The following NXPE2 variants were observed in gnomAD, a reference collection of about 807,000 sequenced individuals.
NXPE2 encodes NXPE family member 2.
In NXPE2, 34 loss-of-function variants were observed where a neutral mutation model predicts 34.4. That is an observed-to-expected ratio of 0.99 (90% CI 0.75 to 1.31). The LOEUF is 1.31. Among genes scored for constraint, NXPE2 ranks in the 40% most tolerant of loss-of-function variants. NXPE2 has a pLI of 0.00. For missense variants in NXPE2, 649 were observed against 672.5 expected, an observed-to-expected ratio of 0.97 and a Z score of 0.39; for synonymous variants, 235 against 231.3, an observed-to-expected ratio of 1.02 and a Z score of -0.15.
At chr11:114,715,427 G>A in the NXPE2 span, among the ~76,000 whole-genome samples, 6 of 152,234 alleles carry the variant, frequency 3.9e-5, no homozygotes, top group South Asian at 1.2e-3. Context: ...AAGTATTTCT[G>A]TTACTAATGT....
chr11:114,582,827 G>T, the NXPE2 span: 1 of 1,614,160 alleles, frequency 6.2e-7, no homozygotes, highest in Non-Finnish European at 8.5e-7. Context: ...TGCTATGTGT[G>T]GCGCTGGTGG....
At chr11:114,670,226 A>G in the NXPE2 span, among the ~76,000 whole-genome samples, 1 of 152,024 alleles carries the variant, frequency 6.6e-6, no homozygotes, top group Non-Finnish European at 1.5e-5. Context: ...ATAACAACAG[A>G]TGGAGAGAGC....
the NXPE2 span, among the ~76,000 whole-genome samples, chr11:114,733,552 G>A: frequency 6.6e-6 from 1 of 152,144 alleles, no homozygotes; most frequent in Non-Finnish European, 1.5e-5. Flanking sequence ...CTATTTTGGA[G>A]GGTATGGGTT....
At chr11:114,552,985 G>A in the NXPE2 span, 1 of 366,590 alleles carries the variant, frequency 2.7e-6, no homozygotes, top group Non-Finnish European at 3.8e-6. Flanking sequence ...AAGAAACCTT[G>A]TTCTTCTAAG....
chr11:114,727,940 G>A, the NXPE2 span, among the ~76,000 whole-genome samples: 1 of 151,934 alleles, frequency 6.6e-6, no homozygotes, highest in South Asian at 2.1e-4. Context: ...ATAGTTTTAG[G>A]TCGAAAGTAA....
At chr11:114,757,721 G>A in the NXPE2 span, among the ~76,000 whole-genome samples, 1 of 152,162 alleles carries the variant, frequency 6.6e-6, no homozygotes, top group African/African-American at 2.4e-5. Context: ...GGTCTTCATG[G>A]GGAAGAGTGG....
chr11:114,503,247 T>C, the NXPE2 span, among the ~76,000 whole-genome samples: 1,505 of 152,272 alleles, frequency 9.9e-3, 30 homozygotes, highest in African/African-American at 0.034. Flanking sequence ...AGCATCCAGG[T>C]GGCTTTTTAA....
the NXPE2 span, among the ~76,000 whole-genome samples, chr11:114,727,906 C>T: frequency 6.6e-6 from 1 of 151,792 alleles, no homozygotes; most frequent in Non-Finnish European, 1.5e-5. Flanking sequence ...ATTAATGGCT[C>T]AGTTAACACA....
the NXPE2 span, among the ~76,000 whole-genome samples, chr11:114,539,589 CA>C: frequency 1.3e-5 from 2 of 151,646 alleles, no homozygotes; most frequent in Non-Finnish European, 2.9e-5. Context: ...AATTCTCTCT[CA>C]AAAAAAATTA....
chr11:114,658,916 C>T, the NXPE2 span, among the ~76,000 whole-genome samples: 2 of 152,110 alleles, frequency 1.3e-5, no homozygotes, highest in Admixed American at 1.3e-4. Flanking sequence ...AGCAATCTAC[C>T]ATGGAAGAAG....
the NXPE2 span, among the ~76,000 whole-genome samples, chr11:114,544,738 T>G: frequency 6.6e-6 from 1 of 152,076 alleles, no homozygotes; most frequent in Non-Finnish European, 1.5e-5. Context: ...TATTAAAAAT[T>G]AAAGCTTCTG....
At chr11:114,651,815 C>T in the NXPE2 span, among the ~76,000 whole-genome samples, 1 of 152,166 alleles carries the variant, frequency 6.6e-6, no homozygotes, top group Non-Finnish European at 1.5e-5. Flanking sequence ...CTGATTGGTG[C>T]ATTTACAATC....
At chr11:114,739,396 C>CTCCCTCCCTCGCTCCT in the NXPE2 span, among the ~76,000 whole-genome samples, 1 of 135,928 alleles carries the variant, frequency 7.4e-6, no homozygotes, top group Non-Finnish European at 1.6e-5. Flanking sequence ...CCCTTCCTCC[C>CTCCCTCCCTCGCTCCT]TCCCTCCCTC....
At chr11:114,551,186 T>C in the NXPE2 span, 10 of 1,534,006 alleles carry the variant, frequency 6.5e-6, no homozygotes, top group African/African-American at 1.4e-5. Context: ...TTTTGAAGCA[T>C]TGTATTTGAG....
the NXPE2 span, among the ~76,000 whole-genome samples, chr11:114,756,369 T>C: frequency 1.3e-5 from 2 of 152,218 alleles, no homozygotes; most frequent in African/African-American, 4.8e-5. Flanking sequence ...TTATTAAGGT[T>C]GTTGTGAGGA....
At chr11:114,469,846 A>G in the NXPE2 span, among the ~76,000 whole-genome samples, 1 of 151,884 alleles carries the variant, frequency 6.6e-6, no homozygotes, top group African/African-American at 2.4e-5. Flanking sequence ...CCTTCCACAC[A>G]CTTCATGCCC....
At chr11:114,712,344 G>T in the NXPE2 span, among the ~76,000 whole-genome samples, 1 of 152,014 alleles carries the variant, frequency 6.6e-6, no homozygotes, top group Non-Finnish European at 1.5e-5. Flanking sequence ...ACAATCAACA[G>T]AATGAAAAGG....
the NXPE2 span, among the ~76,000 whole-genome samples, chr11:114,629,659 A>T: frequency 6.6e-6 from 1 of 152,054 alleles, no homozygotes; most frequent in Admixed American, 6.6e-5. Context: ...GAGTGTTGGA[A>T]GTTCTGGCCA....
At chr11:114,475,470 C>T in the NXPE2 span, among the ~76,000 whole-genome samples, 5 of 152,208 alleles carry the variant, frequency 3.3e-5, no homozygotes, top group East Asian at 9.7e-4. Flanking sequence ...TCTCGAACTC[C>T]TGACCTCTTG....
Sources: gnomAD v4.1 joint callset for allele counts (sites outside exome capture counted in the v4.1 genomes callset) on GRCh38, gnomAD v4.1.1 for gene constraint, MANE v1.5 for transcripts, NCBI Gene and HGNC (gene_info 2026-07-23, HGNC 2026-07-21) for gene names.